POU2AF2: variants seen among roughly 807,000 people sequenced by gnomAD.
POU2AF2 encodes POU domain class 2-associating factor 2.
the POU2AF2 span, among the ~76,000 whole-genome samples, chr11:111,283,787 G>A: frequency 1.3e-5 from 2 of 152,132 alleles, no homozygotes; most frequent in Non-Finnish European, 2.9e-5. Flanking sequence ...TGTCTTCCTA[G>A]CACAGCGCCG....
the POU2AF2 span, among the ~76,000 whole-genome samples, chr11:111,254,592 T>G: frequency 6.6e-6 from 1 of 152,336 alleles, no homozygotes; most frequent in South Asian, 2.1e-4. Context: ...AGCCAGTGAC[T>G]AATGTGTAAC....
At chr11:111,284,369 T>C in the POU2AF2 span, 26 of 1,602,836 alleles carry the variant, frequency 1.6e-5, no homozygotes, top group African/African-American at 2.8e-4. Flanking sequence ...CCCAGCTCAC[T>C]TCCTATTTGT....
chr11:111,246,786 T>C, the POU2AF2 span, among the ~76,000 whole-genome samples: 1 of 152,216 alleles, frequency 6.6e-6, no homozygotes, highest in African/African-American at 2.4e-5. Flanking sequence ...CAGATTAATA[T>C]ATCTATCATG....
the POU2AF2 span, among the ~76,000 whole-genome samples, chr11:111,270,999 G>A: frequency 3.3e-5 from 5 of 152,166 alleles, no homozygotes; most frequent in East Asian, 1.9e-4. Flanking sequence ...AAATTTCCTC[G>A]AGCAATATTT....
At chr11:111,286,211 C>G in the POU2AF2 span, 10 of 727,122 alleles carry the variant, frequency 1.4e-5, no homozygotes, top group Non-Finnish European at 2.1e-5. Flanking sequence ...ATCCTCTCCA[C>G]TGTAACCCCA....
chr11:111,248,503 C>A, the POU2AF2 span, among the ~76,000 whole-genome samples: 1 of 152,206 alleles, frequency 6.6e-6, no homozygotes, highest in Non-Finnish European at 1.5e-5. Context: ...TAATTCTACT[C>A]TGTCTTGAGT....
At chr11:111,259,748 C>T in the POU2AF2 span, among the ~76,000 whole-genome samples, 2 of 152,152 alleles carry the variant, frequency 1.3e-5, no homozygotes, top group Non-Finnish European at 2.9e-5. Flanking sequence ...AAGTACGCAC[C>T]GGTTCTAACC....
chr11:111,277,215 G>A, the POU2AF2 span, among the ~76,000 whole-genome samples: 2 of 152,176 alleles, frequency 1.3e-5, no homozygotes, highest in Non-Finnish European at 2.9e-5. Context: ...AAAACAGAGA[G>A]TACAATTTCC....
chr11:111,259,000 T>C, the POU2AF2 span, among the ~76,000 whole-genome samples: 2 of 152,156 alleles, frequency 1.3e-5, no homozygotes, highest in Non-Finnish European at 2.9e-5. Context: ...CCAAATAACC[T>C]GGTGAAAAGA....
chr11:111,266,822 G>A, the POU2AF2 span, among the ~76,000 whole-genome samples: 1 of 152,138 alleles, frequency 6.6e-6, no homozygotes, highest in African/African-American at 2.4e-5. Flanking sequence ...TGAAAGTAGT[G>A]AGGCTTAGAT....
the POU2AF2 span, among the ~76,000 whole-genome samples, chr11:111,258,329 A>G: frequency 3.9e-5 from 6 of 152,292 alleles, no homozygotes; most frequent in African/African-American, 1.4e-4. Flanking sequence ...TCAATTGGAA[A>G]GGCAAGAGTT....
At chr11:111,276,453 A>AAAAAAAAAAAAATATAT in the POU2AF2 span, among the ~76,000 whole-genome samples, 1 of 37,672 alleles carries the variant, frequency 2.7e-5, no homozygotes, top group African/African-American at 9.6e-5. Flanking sequence ...AAAAAAAAAA[A>AAAAAAAAAAAAATATAT]ATATATATAT....
At chr11:111,255,769 T>A in the POU2AF2 span, among the ~76,000 whole-genome samples, 4 of 151,884 alleles carry the variant, frequency 2.6e-5, no homozygotes, top group African/African-American at 4.8e-5. Context: ...TGGAACAGTG[T>A]TTCTGTCACT....
At chr11:111,272,213 A>T in the POU2AF2 span, among the ~76,000 whole-genome samples, 1 of 152,098 alleles carries the variant, frequency 6.6e-6, no homozygotes, top group African/African-American at 2.4e-5. Flanking sequence ...CCAGACTCAG[A>T]TATCATCTAT....
the POU2AF2 span, among the ~76,000 whole-genome samples, chr11:111,274,022 A>G: frequency 6.6e-6 from 1 of 152,222 alleles, no homozygotes; most frequent in Admixed American, 6.5e-5. Flanking sequence ...GAGGATTTGC[A>G]GGATAAGAGG....
chr11:111,269,359 G>C, the POU2AF2 span, among the ~76,000 whole-genome samples: 1 of 152,092 alleles, frequency 6.6e-6, no homozygotes, highest in African/African-American at 2.4e-5. Flanking sequence ...TTAGCCCACT[G>C]TCCTGCCCTG....
At chr11:111,281,774 C>A in the POU2AF2 span, among the ~76,000 whole-genome samples, 8 of 152,180 alleles carry the variant, frequency 5.3e-5, no homozygotes, top group Non-Finnish European at 1.2e-4. Context: ...GGAAAGCCGT[C>A]TGCGAGCAGA....
the POU2AF2 span, among the ~76,000 whole-genome samples, chr11:111,248,448 A>G: frequency 6.6e-6 from 1 of 152,204 alleles, no homozygotes; most frequent in Non-Finnish European, 1.5e-5. Context: ...CAGGCAGAGA[A>G]TGGACCAAAT....
At chr11:111,248,959 G>A in the POU2AF2 span, among the ~76,000 whole-genome samples, 1 of 152,178 alleles carries the variant, frequency 6.6e-6, no homozygotes, top group South Asian at 2.1e-4. Context: ...GTCTACTATA[G>A]ACTAAATTCT....
Sources: gnomAD v4.1 joint callset for allele counts (sites outside exome capture counted in the v4.1 genomes callset) on GRCh38, gnomAD v4.1.1 for gene constraint, MANE v1.5 for transcripts, NCBI Gene and HGNC (gene_info 2026-07-23, HGNC 2026-07-21) for gene names.